Variants in GLB1 observed in about 807,000 individuals in gnomAD.
The protein encoded by GLB1 is beta-galactosidase.
Under a neutral mutation model 74.0 loss-of-function variants are expected in GLB1, and 56 were observed. The observed-to-expected ratio is 0.76, with a 90% CI of 0.61 to 0.94. The LOEUF (loss-of-function observed/expected upper bound fraction) is 0.94. Ranked by LOEUF, GLB1 falls within the 40% of genes least tolerant of loss-of-function variation. The pLI, the probability that GLB1 is intolerant of heterozygous loss-of-function variation, is 0.00. For missense variants in GLB1, 787 were observed against 845.5 expected (o/e 0.93, Z 0.86); for synonymous variants, 323 against 323.6 (o/e 1.00, Z 0.02).
chr3:33,052,354 C>A (rs553573980), intron 7 of GLB1, among the ~76,000 whole-genome samples: 125 of 152,304 alleles, frequency 8.2e-4, no homozygotes, highest in African/African-American at 2.8e-3. Flanking sequence ...CAGCTCCAGG[C>A]CGGGCGCAGT....
chr3:33,074,997 A>G (rs1575478922), intron 1 of GLB1, among the ~76,000 whole-genome samples: 1 of 152,200 alleles, frequency 6.6e-6, no homozygotes, highest in African/African-American at 2.4e-5. Context: ...AACACAAACA[A>G]CTAAGAATCA....
Position 33,030,748 on chromosome 3 carries a change from T to C in GLB1, c.1069-6423A>G, listed in dbSNP as rs889175107. 7 of 985,300 alleles carry C rather than the reference T, an allele frequency of 7.1e-6. No individual in the cohort carries two copies. In the East Asian group the frequency reaches 3.4e-4, roughly 48 times the overall value. The allele number at this position is 985,300 out of a possible 1,614,324, so 61.0% of individuals were successfully genotyped here. On this transcript the variant is annotated intron_variant, in intron 10 of 15. Coordinates refer to ENST00000307363, the MANE Select transcript of GLB1 (RefSeq NM_000404.4). ...CAATTATCAAGGTCCTCACTACCAC[T>C]TGATTAATTTCTACAGTGACCCATT... is the stretch of plus-strand genomic sequence containing the variant.
chr3:32,964,983 G>C, the GLB1 span, among the ~76,000 whole-genome samples: 1 of 152,194 alleles, frequency 6.6e-6, no homozygotes, highest in Non-Finnish European at 1.5e-5. Flanking sequence ...TGTCATGTAA[G>C]ATGTGCCTTT....
At chr3:33,096,000 C>A (rs1701008863) in intron 1 of GLB1, among the ~76,000 whole-genome samples, 1 of 152,204 alleles carries the variant, frequency 6.6e-6, no homozygotes, top group African/African-American at 2.4e-5. Flanking sequence ...TTAAGATGTT[C>A]AATCTTGGTT....
chr3:33,075,209 T>G (rs949227667), intron 1 of GLB1, among the ~76,000 whole-genome samples: 2 of 152,196 alleles, frequency 1.3e-5, no homozygotes, highest in African/African-American at 4.8e-5. Flanking sequence ...CTCACAAGTT[T>G]CCTAAGTTCA....
At chr3:33,031,091 C>T (rs1697983988) in intron 10 of GLB1, among the ~76,000 whole-genome samples, 2 of 152,182 alleles carry the variant, frequency 1.3e-5, no homozygotes, top group African/African-American at 4.8e-5. Flanking sequence ...CCACTGAGCA[C>T]AGGCTTATGC....
intron 6 of GLB1, among the ~76,000 whole-genome samples, chr3:33,054,666 T>A (rs1699144148): frequency 6.6e-6 from 1 of 152,202 alleles, no homozygotes; most frequent in East Asian, 1.9e-4. Context: ...TAATGGAATA[T>A]ACTCTGGATT....
chr3:33,090,757 C>CACAT (rs1404967964), intron 1 of GLB1: 2 of 985,236 alleles, frequency 2.0e-6, no homozygotes, highest in African/African-American at 3.5e-5. Context: ...GAATACAAAC[C>CACAT]ACATACGAGA....
At chr3:33,054,894 G>A (rs13096312) in intron 6 of GLB1, among the ~76,000 whole-genome samples, 18,105 of 152,226 alleles carry the variant, frequency 0.12, 1,228 homozygotes, top group Admixed American at 0.17. Context: ...AGAATGCCCT[G>A]GCCCCACACT....
intron 6 of GLB1, among the ~76,000 whole-genome samples, chr3:33,053,757 C>A (rs1460510688): frequency 2.0e-5 from 3 of 152,202 alleles, no homozygotes; most frequent in African/African-American, 7.2e-5. Flanking sequence ...AAGGGCTCCA[C>A]CTTCATGAAT....
At chr3:33,002,012 C>G (rs1331896454) in intron 15 of GLB1, among the ~76,000 whole-genome samples, 1 of 152,012 alleles carries the variant, frequency 6.6e-6, no homozygotes, top group Admixed American at 6.5e-5. Context: ...GAGGTATGCA[C>G]GTGTTGCTGA....
At chr3:33,025,718 TGTGGCGGAAGGAGGTCGTGGGCC>T (rs1380691611) in intron 10 of GLB1, among the ~76,000 whole-genome samples, 1 of 150,600 alleles carries the variant, frequency 6.6e-6, no homozygotes, top group Non-Finnish European at 1.5e-5. Flanking sequence ...TCACGCTGGC[TGTGGCGGAAGGAGGTCGTGGGCC>T]GTGGCGGTGG....
At position 33,053,588 on chromosome 3, in the gene GLB1, A is replaced by G. The variant is rs575644485; in HGVS notation, c.734-39T>C. On this transcript the variant is annotated intron_variant, in intron 6 of 15. Transcript: ENST00000307363. ...GAGGGAGAAGGTAGGTCAGTCGTGGAAATGACAAGAAGTTAAATAACAAGA... is the reference window on the plus strand; with the variant it reads ...GAGGGAGAAGGTAGGTCAGTCGTGGGAATGACAAGAAGTTAAATAACAAGA... The G allele has an allele frequency of 2.5e-6, 4 of 1,613,736 alleles. No homozygotes were observed. In the Admixed American group the frequency reaches 6.7e-5, roughly 27 times the overall value.
At chr3:32,963,466 A>G in the GLB1 span, among the ~76,000 whole-genome samples, 9 of 152,072 alleles carry the variant, frequency 5.9e-5, no homozygotes, top group Admixed American at 5.2e-4. Context: ...TATGCATGAC[A>G]AAAACATCCC....
rs1335109724 is a variant in GLB1, at chr3:33,097,143, G to C, written c.-58C>G. ...CCAGGCCGGCCGCTTCGCGTCACTT[G>C]ACTAAGGACCCACGGCCTGGCACCG... On this transcript the variant is annotated 5_prime_UTR_variant, in exon 1 of 16. Transcript: ENST00000307363. 5 of 1,596,380 alleles carry C rather than the reference G, an allele frequency of 3.1e-6. No individual in the cohort carries two copies. Among genetic ancestry groups the C allele is most frequent in the Non-Finnish European group, 3.4e-6 (4 of 1,170,618 alleles).
intron 15 of GLB1, among the ~76,000 whole-genome samples, chr3:33,012,416 A>G (rs1238547574): frequency 6.6e-6 from 1 of 152,166 alleles, no homozygotes; most frequent in Admixed American, 6.5e-5. Context: ...GAATGAAATT[A>G]GTGTCCTCAT....
the GLB1 span, among the ~76,000 whole-genome samples, chr3:32,976,990 C>T: frequency 2.6e-5 from 4 of 152,052 alleles, no homozygotes; most frequent in Admixed American, 6.6e-5. Context: ...ATTAAAGAGG[C>T]CTGATGTGGA....
At position 33,051,798 on chromosome 3, in the gene GLB1, C is replaced by G. The variant is rs772986593; in HGVS notation, c.915G>C (p.Leu305Phe). Residue 305 changes from leucine (L) to phenylalanine (F), a missense_variant and splice_region_variant, in exon 9 of 16, where the codon TTG (leucine) becomes TTC (phenylalanine). Leu to Phe is a conservative substitution (Grantham distance 22). Coordinates refer to ENST00000307363, the MANE Select transcript of GLB1 (RefSeq NM_000404.4). ...DILARGASVN[L>F]YMFIGGTNFA... ...AATTGGTCCCACCTATAAACATGTA[C>G]CTACAAGGAAACAAAAGAACACGGT... 10 of 1,614,126 alleles carry G rather than the reference C, an allele frequency of 6.2e-6. No homozygotes were observed. The Admixed American group carries it at 1.0e-4, about 16-fold the overall frequency.
chr3:33,048,813 C>T (rs1698850687), intron 9 of GLB1, among the ~76,000 whole-genome samples: 1 of 152,174 alleles, frequency 6.6e-6, no homozygotes, highest in Non-Finnish European at 1.5e-5. Context: ...CCAGTCCAAG[C>T]TTCACCCCTT....
Sources: allele counts gnomAD v4.1 joint callset (sites outside exome capture counted in the v4.1 genomes callset), GRCh38; gene constraint gnomAD v4.1.1; transcripts MANE v1.5; gene names NCBI Gene and HGNC (gene_info 2026-07-23, HGNC 2026-07-21).